Variants in NCEH1 observed in about 807,000 individuals in gnomAD.
NCEH1 encodes the protein 2-acetyl MAGE hydrolase.
Under a neutral mutation model 25.4 loss-of-function variants are expected in NCEH1, and 9 were observed. That is an observed-to-expected ratio of 0.35 (90% CI 0.21 to 0.62). The LOEUF (loss-of-function observed/expected upper bound fraction) is 0.62, where lower values mean the gene tolerates loss of function less well. Among genes scored for constraint, NCEH1 ranks in the 20% least tolerant of loss-of-function variants. NCEH1 has a pLI of 0.72. For missense variants in NCEH1, 412 were observed against 501.1 expected, an observed-to-expected ratio of 0.82 and a Z score of 1.70; for synonymous variants, 200 against 199.8, an observed-to-expected ratio of 1.00 and a Z score of -0.01.
intron 1 of NCEH1, among the ~76,000 whole-genome samples, chr3:172,695,503 C>T (rs1368967411): frequency 2.0e-5 from 3 of 152,210 alleles, no homozygotes; most frequent in Admixed American, 6.5e-5. Flanking sequence ...AATTTTGACT[C>T]TGCCACTTAT....
At chr3:172,685,886 T>C (rs1252883286) in intron 1 of NCEH1, among the ~76,000 whole-genome samples, 2 of 152,192 alleles carry the variant, frequency 1.3e-5, no homozygotes, top group African/African-American at 4.8e-5. Context: ...AATTTTAGAA[T>C]GTCAGAGCTG....
At chr3:172,681,125 G>C (rs1199697538) in intron 1 of NCEH1, 1 of 152,088 alleles carries the variant, frequency 6.6e-6, no homozygotes, top group African/African-American at 2.4e-5. Context: ...GGTACCGGGG[G>C]AGAAGGAGGG....
chr3:172,688,784 A>G (rs1237382930), intron 1 of NCEH1, among the ~76,000 whole-genome samples: 1 of 152,108 alleles, frequency 6.6e-6, no homozygotes, highest in Non-Finnish European at 1.5e-5. Context: ...GTCACAGGCA[A>G]TGCTACAAGG....
Position 172,704,325 on chromosome 3 carries a change from ACTT to A in NCEH1, c.138+6519_138+6521del, listed in dbSNP as rs1224487939. 2.0e-5 allele frequency among the ~76,000 whole-genome samples: 3 copies of A among 152,280 alleles called. No homozygotes were observed. In the East Asian group the frequency reaches 5.8e-4, roughly 29 times the overall value. ...ACTCAGCATAAATACCAATTTCAGC[ACTT>A]CTTTTACATTGTGTCACTGAAAAGA... On this transcript the variant is annotated intron_variant, in intron 1 of 4. Coordinates refer to ENST00000475381, the MANE Select transcript of NCEH1 (RefSeq NM_020792.6).
chr3:172,670,737 G>A (rs181504656), intron 1 of NCEH1, among the ~76,000 whole-genome samples: 65 of 151,958 alleles, frequency 4.3e-4, no homozygotes, highest in East Asian at 3.3e-3. Flanking sequence ...AATAATTTCC[G>A]TTTTATATGG....
rs749299695 is a variant in NCEH1, at chr3:172,634,081, A to T, written c.621T>A (p.Asp207Glu). 6.2e-7 allele frequency: 1 copy of T among 1,613,098 alleles called. No homozygotes were observed. The highest frequency in any genetic ancestry group is 8.5e-7 in the Non-Finnish European group (1 of 1,179,614). Residue 207 changes from aspartate (D) to glutamate (E), a missense_variant, in exon 5 of 5, where the codon GAT becomes GAA. Around this residue, in one of 3 missense-constraint regions of NCEH1, gnomAD observed 210 missense variants for 258.2 expected, o/e 0.81. Coordinates refer to ENST00000475381, the MANE Select transcript of NCEH1 (RefSeq NM_020792.6). ...GTTTGAGCTTATTTTTTAGGCTGGC[A>T]TCTTGAGTAAACTAGAGAAGAGGAA... ...AAALGQQFTQ[D>E]ASLKNKLKLQ...
At position 172,683,219 on chromosome 3, in the gene NCEH1, C is replaced by T. The variant is rs558852785; in HGVS notation, c.138+27628G>A. Among the ~76,000 whole-genome samples, 12 of 76,018 alleles carry T rather than the reference C, an allele frequency of 1.6e-4. 1 individual carries two copies. The highest frequency in any genetic ancestry group is 3.2e-4 in the Non-Finnish European group (11 of 34,810). The allele number at this position is 76,018 out of a possible 152,430, so 49.9% of individuals were successfully genotyped here. A position where few individuals can be genotyped will look rare whatever the true frequency, so the allele number is the denominator to read the frequency against. ...GAGATCGAGACCATCCCAGCTAAAA[C>T]GGTGAAACCCCGTCTCTACTAAAAA... On this transcript the variant is annotated intron_variant, in intron 1 of 4. Coordinates refer to ENST00000475381, the MANE Select transcript of NCEH1 (RefSeq NM_020792.6).
rs386398562 is a variant in NCEH1, at chr3:172,697,970, ATT to A, written c.138+12875_138+12876del. On this transcript the variant is annotated intron_variant, in intron 1 of 4. Transcript: ENST00000475381. ...AAGCTGATCACTTTCTAAAAGCAGAATTTTTTTTTTTTTTTTTTTTTTTTGAG... is the reference window on the plus strand; with the variant it reads ...AAGCTGATCACTTTCTAAAAGCAGAATTTTTTTTTTTTTTTTTTTTTTGAG... Among the ~76,000 whole-genome samples, 636 of 101,076 alleles carry A rather than the reference ATT, an allele frequency of 6.3e-3. 4 individuals carry two copies. The highest frequency in any genetic ancestry group is 0.022 in the African/African-American group (536 of 24,516). 66.3% of individuals were successfully genotyped at this position (101,076 alleles called of 152,430 possible).
chr3:172,669,063 T>C (rs1851390), intron 1 of NCEH1, among the ~76,000 whole-genome samples: 1,735 of 151,154 alleles, frequency 0.011, 24 homozygotes, highest in African/African-American at 0.04. Context: ...ATATTACCAT[T>C]ATGGCTATAG....
chr3:172,703,156 A>G (rs886608475), intron 1 of NCEH1: 7 of 152,220 alleles, frequency 4.6e-5, no homozygotes, highest in Non-Finnish European at 8.8e-5. Flanking sequence ...CACTAAAACC[A>G]TAACAGTTCA....
intron 1 of NCEH1, among the ~76,000 whole-genome samples, chr3:172,677,664 C>T (rs1224092165): frequency 6.6e-6 from 1 of 152,188 alleles, no homozygotes; most frequent in African/African-American, 2.4e-5. Context: ...GGGGGCGGCT[C>T]ACGCCTGTAA....
At chr3:172,691,677 C>T (rs965469856) in intron 1 of NCEH1, among the ~76,000 whole-genome samples, 3 of 152,376 alleles carry the variant, frequency 2.0e-5, no homozygotes, top group African/African-American at 7.2e-5. Flanking sequence ...TGGCCGGGCG[C>T]GGTGGCTCAC....
rs1037195122 is a variant in NCEH1 at position 172,692,605 on chromosome 3, C to T, written c.138+18242G>A. ...GTCTCAAACTCCTGGGCTCAAGTGA[C>T]CCACTTGCCTCAGCCTCCTAGAGTG... On this transcript the variant is annotated intron_variant, in intron 1 of 4. Coordinates refer to ENST00000475381, the MANE Select transcript of NCEH1 (RefSeq NM_020792.6). 1.3e-5 allele frequency among the ~76,000 whole-genome samples: 2 copies of T among 152,062 alleles called. 1 individual carries two copies.
intron 1 of NCEH1, among the ~76,000 whole-genome samples, chr3:172,654,008 G>A (rs1717578024): frequency 6.6e-6 from 1 of 152,068 alleles, no homozygotes; most frequent in Admixed American, 6.6e-5. Flanking sequence ...TCCCGCCTTG[G>A]CCTCCCAAAG....
chr3:172,639,292 G>A (rs1233558910), intron 3 of NCEH1, among the ~76,000 whole-genome samples: 5 of 116,686 alleles, frequency 4.3e-5, no homozygotes, highest in Non-Finnish European at 5.0e-5. Context: ...GTGAGGCTCC[G>A]TCTCAAAAAA....
intron 1 of NCEH1, among the ~76,000 whole-genome samples, chr3:172,693,968 A>G (rs1418768109): frequency 6.6e-6 from 1 of 152,090 alleles, no homozygotes; most frequent in Non-Finnish European, 1.5e-5. Flanking sequence ...ATCATAGTAC[A>G]CCACAGCCTC....
intron 1 of NCEH1, among the ~76,000 whole-genome samples, chr3:172,651,163 G>T (rs960350142): frequency 2.6e-5 from 4 of 152,156 alleles, no homozygotes; most frequent in Admixed American, 1.3e-4. Flanking sequence ...CTTACAGAGA[G>T]AAGAGAACAG....
chr3:172,652,415 G>A (rs1195928726), intron 1 of NCEH1, among the ~76,000 whole-genome samples: 1 of 152,224 alleles, frequency 6.6e-6, no homozygotes, highest in Non-Finnish European at 1.5e-5. Context: ...AGGACAAACT[G>A]TAAGGATCAA....
rs149011752 is a variant in NCEH1 at position 172,700,155 on chromosome 3, T to C, written c.138+10692A>G. On this transcript the variant is annotated intron_variant, in intron 1 of 4. Transcript: ENST00000475381. ...AAAACTTAAAGCCATTTTGTATAACTATACAGAGTTGAATAATTGGCATCA... is the reference window on the plus strand; with the variant it reads ...AAAACTTAAAGCCATTTTGTATAACCATACAGAGTTGAATAATTGGCATCA... Among the ~76,000 whole-genome samples, 507 of 152,338 alleles carry C rather than the reference T, an allele frequency of 3.3e-3. 2 individuals are homozygous for C. Among genetic ancestry groups the C allele is most frequent in the African/African-American group, 0.012 (484 of 41,580 alleles).
Sources: allele counts gnomAD v4.1 joint callset (sites outside exome capture counted in the v4.1 genomes callset), GRCh38; gene constraint gnomAD v4.1.1; regional missense constraint gnomAD v4.1.1; transcripts MANE v1.5; gene names NCBI Gene and HGNC (gene_info 2026-07-23, HGNC 2026-07-21).